Variants in GPAA1 observed in about 807,000 individuals in gnomAD.
GPAA1 encodes the protein glycosylphosphatidylinositol anchor attachment 1.
GPAA1 carries 54 observed loss-of-function variants against 64.0 expected under a neutral mutation model. That is an observed-to-expected ratio of 0.84 (90% CI 0.68 to 1.06). The LOEUF (loss-of-function observed/expected upper bound fraction) is 1.06, where lower values mean the gene tolerates loss of function less well. GPAA1 is among the 50% of genes least tolerant of loss of function. GPAA1 has a pLI of 0.00. For missense variants in GPAA1, 780 were observed against 822.3 expected (o/e 0.95, Z 0.63); for synonymous variants, 393 against 377.3 (o/e 1.04, Z -0.48).
chr8:144,083,186 A>G lies in GPAA1; in HGVS notation c.137A>G (p.Gln46Arg), dbSNP rs1835936525. The change falls in exon 2 of 12, where the codon CAG becomes CGG. Residue 46 changes from glutamine (Q) to arginine (R), a missense_variant. Coordinates refer to ENST00000355091, the MANE Select transcript of GPAA1 (RefSeq NM_003801.4). ...FLALVFPPLTQRTYMSENAMG... is the reference protein window; with the variant it reads ...FLALVFPPLTRRTYMSENAMG... Reference sequence around the variant, plus strand: ...GCGCTGGTTTTCCCGCCGCTGACCCAGCGCACTTACATGTCGGAGAACGCC... The same window carrying G: ...GCGCTGGTTTTCCCGCCGCTGACCCGGCGCACTTACATGTCGGAGAACGCC... 1.4e-5 allele frequency: 23 copies of G among 1,612,944 alleles called. No homozygotes were observed. The highest frequency in any genetic ancestry group is 1.8e-5 in the Non-Finnish European group (21 of 1,179,864).
intron 1 of GPAA1, 93 bp from the exon 2 acceptor site, chr8:144,083,031 C>G (rs1835933924): frequency 4.9e-6 from 6 of 1,225,810 alleles, no homozygotes; most frequent in Non-Finnish European, 6.9e-6. Flanking sequence ...TCTCCCAGAC[C>G]CGCGCGATCG....
chr8:144,085,488 C>T lies in GPAA1; in HGVS notation c.1451+9C>T, dbSNP rs1554764235. 1.2e-6 allele frequency: 2 copies of T among 1,603,898 alleles called. No individual in the cohort carries two copies. Among genetic ancestry groups the T allele is most frequent in the Admixed American group, 1.7e-5 (1 of 59,976 alleles). On this transcript the variant is annotated intron_variant, in intron 10 of 11. Transcript: ENST00000355091. ...CCCCACAATACCCACCGGTAAGAGG[C>T]TGGGCTGGTTGTTGGGGGCAGGGGT...
intron 1 of GPAA1, 40 bp downstream of exon 1, chr8:144,082,844 TG>T: frequency 7.5e-7 from 1 of 1,338,720 alleles, no homozygotes; most frequent in South Asian, 1.8e-5. Flanking sequence ...CCGAGGGCCC[TG>T]GGCTCGCGCC....
Position 144,085,586 on chromosome 8 carries a change from C to T in GPAA1, c.1465C>T (p.Gln489Ter), listed in dbSNP as rs368192144. The T allele has an allele frequency of 1.2e-5, 20 of 1,613,396 alleles. No individual in the cohort carries two copies. The highest frequency in any genetic ancestry group is 1.5e-5 in the Non-Finnish European group (18 of 1,179,866). ...TTTGTCTTACAGGGTGGTAAGCACACAGGCCCCAGACAGGGGCTGGATGGC... is the reference window on the plus strand; with the variant it reads ...TTTGTCTTACAGGGTGGTAAGCACATAGGCCCCAGACAGGGGCTGGATGGC... ...PHNTHRVVSTQAPDRGWMALK... is the reference protein window; with the variant it reads ...PHNTHRVVST Residue 489 changes from glutamine (Q) to a stop codon, truncating the protein, a stop_gained, in exon 11 of 12, where the codon CAG (glutamine) becomes TAG (stop). Transcript: ENST00000355091. LOFTEE classifies it high-confidence loss of function.
At chr8:144,085,164 G>C in intron 9 of GPAA1, 26 bp downstream of exon 9, 1 of 1,501,528 alleles carries the variant, frequency 6.7e-7, no homozygotes. Context: ...TCTGTTGTTG[G>C]AATGGGCTTC....
Position 144,086,050 on chromosome 8 carries a change from CCTGCTCTTCCCA to C in GPAA1, c.1797_1808del (p.Phe600_Leu603del), listed in dbSNP as rs782172838. The C allele has an allele frequency of 1.9e-6, 3 of 1,613,234 alleles. No individual in the cohort carries two copies. The highest frequency in any genetic ancestry group is 2.5e-6 in the Non-Finnish European group (3 of 1,179,940). ...TGCTGGAGCACCACACCTACGGCGC[CCTGCTCTTCCCA>C]CTGCTGTCCCTGGGCCTCTACCCCT... On this transcript the variant is annotated inframe_deletion, in exon 12 of 12. Transcript: ENST00000355091.
chr8:144,084,516 A>G lies in GPAA1; in HGVS notation c.917A>G (p.His306Arg). The part of the protein sequence containing the change: ...RQASGRPHGS[H>R]GLFLRYRVEA... ...GCCTCCGGCCGCCCCCACGGCTCCC[A>G]TGGCCTCTTCCTGCGCTACCGTGTG... is the stretch of plus-strand genomic sequence containing the variant. The change falls in exon 7 of 12, where the codon CAT becomes CGT. Residue 306 changes from histidine to arginine, a missense_variant. His to Arg is a conservative substitution (Grantham distance 29, BLOSUM62 0). Transcript: ENST00000355091. The G allele has an allele frequency of 1.9e-6, 3 of 1,613,614 alleles. No homozygotes were observed. The highest frequency in any genetic ancestry group is 2.5e-6 in the Non-Finnish European group (3 of 1,179,972).
In GPAA1 at chr8:144,085,408, G is replaced by A. The variant is rs942684183; in HGVS notation, c.1380G>A (p.Glu460=). ...CCACCCAGCACTTCCCAGTGGCAGAGGCTGAGGCTGTGGTGCTGACACTGC... is the reference window on the plus strand; with the variant it reads ...CCACCCAGCACTTCCCAGTGGCAGAAGCTGAGGCTGTGGTGCTGACACTGC... ...HVATQHFPVA[E]AEAVVLTLLA... The change falls in exon 10 of 12, where the codon GAG becomes GAA. Residue 460 remains glutamate, a synonymous_variant. Coordinates refer to ENST00000355091, the MANE Select transcript of GPAA1 (RefSeq NM_003801.4). 2 of 1,606,208 alleles carry A rather than the reference G, an allele frequency of 1.2e-6. No homozygotes were observed. Among genetic ancestry groups the A allele is most frequent in the Non-Finnish European group, 1.7e-6 (2 of 1,179,946 alleles).
Position 144,086,003 on chromosome 8 carries a change from C to T in GPAA1, c.1744C>T (p.Leu582=). 1 of 1,610,566 alleles carries T rather than the reference C, an allele frequency of 6.2e-7. No homozygotes were observed. Among genetic ancestry groups the T allele is most frequent in the African/African-American group, 1.3e-5 (1 of 75,048 alleles). The part of the protein sequence containing the change: ...LSLAEGWQLF[L]AALAQGVLEH... Reference sequence around the variant, plus strand: ...ACTGGCCGAGGGCTGGCAGCTCTTCCTGGCAGCGCTAGCCCAGGGTGTGCT... The same window carrying T: ...ACTGGCCGAGGGCTGGCAGCTCTTCTTGGCAGCGCTAGCCCAGGGTGTGCT... The change falls in exon 12 of 12, where the codon CTG becomes TTG. Residue 582 remains leucine, a synonymous_variant. Transcript: ENST00000355091.
chr8:144,085,349 C>T lies in GPAA1; in HGVS notation c.1321C>T (p.Leu441Phe), dbSNP rs570627471. 1.9e-6 allele frequency: 3 copies of T among 1,610,238 alleles called. No individual in the cohort carries two copies. Among genetic ancestry groups the T allele is most frequent in the African/African-American group, 2.7e-5 (2 of 75,044 alleles). Reference sequence around the variant, plus strand: ...GATCTCACAGGCCATGGGACTGGCCCTCTATGTCCTGCCAGTGCTGGGCCA... The same window carrying T: ...GATCTCACAGGCCATGGGACTGGCCTTCTATGTCCTGCCAGTGCTGGGCCA... ...LLISQAMGLA[L>F]YVLPVLGQHV... Residue 441 changes from leucine (L) to phenylalanine (F), a missense_variant, in exon 10 of 12, where the codon CTC becomes TTC. Coordinates refer to ENST00000355091, the MANE Select transcript of GPAA1 (RefSeq NM_003801.4).
chr8:144,082,905 TCG>T, intron 1 of GPAA1, 101 bp downstream of exon 1: 2 of 1,031,050 alleles, frequency 1.9e-6, no homozygotes, highest in Admixed American at 7.4e-5. Flanking sequence ...CTCCAGCTGC[TCG>T]CGCCCCTCCG....
intron 11 of GPAA1, 32 bp from the exon 12 acceptor site, chr8:144,085,849 TG>T (rs1291328304): frequency 6.2e-7 from 1 of 1,600,592 alleles, no homozygotes; most frequent in Non-Finnish European, 8.5e-7. Context: ...GCCCCCACCA[TG>T]GAGCCTACCT....
Position 144,085,108 on chromosome 8 carries a change from T to C in GPAA1, c.1230T>C (p.Pro410=), listed in dbSNP as rs1554764153. ...GCCTTGAGGAGCCCGGGGGTGCCCC[T>C]GGCCCCAGTGTACCCCTTCCCCCAT... ...GMGLEEPGGA[P]GPSVPLPPSQ... Residue 410 remains proline, a synonymous_variant, in exon 9 of 12, where the codon CCT becomes CCC. Coordinates refer to ENST00000355091, the MANE Select transcript of GPAA1 (RefSeq NM_003801.4). 4.4e-6 allele frequency: 7 copies of C among 1,601,626 alleles called. No individual in the cohort carries two copies. The highest frequency in any genetic ancestry group is 6.0e-6 in the Non-Finnish European group (7 of 1,171,618).
Position 144,083,197 on chromosome 8 carries a change from AT to A in GPAA1, c.149del (p.Met50SerfsTer50). 6.2e-7 allele frequency: 1 copy of A among 1,612,910 alleles called. No homozygotes were observed. The highest frequency in any genetic ancestry group is 1.1e-5 in the South Asian group (1 of 91,046). On this transcript the variant is annotated frameshift_variant, in exon 2 of 12. Coordinates refer to ENST00000355091, the MANE Select transcript of GPAA1 (RefSeq NM_003801.4). LOFTEE classifies it high-confidence loss of function. ...CCCGCCGCTGACCCAGCGCACTTAC[AT>A]GTCGGAGAACGCCATGGGCTCCACC... is the stretch of plus-strand genomic sequence containing the variant. ...VFPPLTQRTY[M>X]SENAMGSTMV...
At chr8:144,082,965 C>A in intron 1 of GPAA1, 159 bp from the exon 2 acceptor site, 2 of 875,012 alleles carry the variant, frequency 2.3e-6, no homozygotes, top group South Asian at 1.8e-5. Context: ...CTGAGGGTAT[C>A]AGGCCCAGGC....
At chr8:144,083,532 G>A (rs1554763849) in intron 3 of GPAA1, 32 bp downstream of exon 3, 4 of 1,556,608 alleles carry the variant, frequency 2.6e-6, no homozygotes, top group Non-Finnish European at 3.5e-6. Context: ...CCTGGGCCCA[G>A]AAAGCACCTT....
chr8:144,082,914 T>C, intron 1 of GPAA1, 110 bp downstream of exon 1: 2 of 981,126 alleles, frequency 2.0e-6, no homozygotes, highest in Non-Finnish European at 2.8e-6. Flanking sequence ...CTCGCGCCCC[T>C]CCGGCTGCTC....
Position 144,085,275 on chromosome 8 carries a change from T to A in GPAA1, c.1261-14T>A. On this transcript the variant is annotated splice_polypyrimidine_tract_variant and intron_variant, in intron 9 of 11. Coordinates refer to ENST00000355091, the MANE Select transcript of GPAA1 (RefSeq NM_003801.4). Reference sequence around the variant, plus strand: ...GCCCCAGGGTCCATCTCCAAGAGCCTGTGTGCCCTGCAGGGTGTGGGGCTG... The same window carrying A: ...GCCCCAGGGTCCATCTCCAAGAGCCAGTGTGCCCTGCAGGGTGTGGGGCTG... 1 of 1,586,318 alleles carries A rather than the reference T, an allele frequency of 6.3e-7. No individual in the cohort carries two copies. Among genetic ancestry groups the A allele is most frequent in the Non-Finnish European group, 8.6e-7 (1 of 1,164,226 alleles).
Position 144,085,054 on chromosome 8 carries a change from G to C in GPAA1, c.1176G>C (p.Leu392=). 1 of 1,610,030 alleles carries C rather than the reference G, an allele frequency of 6.2e-7. No homozygotes were observed. The highest frequency in any genetic ancestry group is 8.5e-7 in the Non-Finnish European group (1 of 1,178,056). Residue 392 remains leucine, a synonymous_variant, in exon 9 of 12, where the codon CTG becomes CTC. Coordinates refer to ENST00000355091, the MANE Select transcript of GPAA1 (RefSeq NM_003801.4). ...LLVLGLKALE[L]WMQLHEAGMG... The stretch of plus-strand genomic sequence containing the variant: ...CTTGATTGGGCTACGCTCTGGAACT[G>C]TGGATGCAGCTGCATGAGGCTGGAA...
Sources: gnomAD v4.1 joint callset for allele counts on GRCh38, gnomAD v4.1.1 for gene constraint, MANE v1.5 for transcripts, NCBI Gene and HGNC (gene_info 2026-07-23, HGNC 2026-07-21) for gene names.